The following NGEF variants were observed in gnomAD, a reference collection of about 807,000 sequenced individuals.
NGEF encodes ephexin-1.
In NGEF, 31 loss-of-function variants were observed where a neutral mutation model predicts 80.9. The ratio of observed to expected loss-of-function variants is 0.38; its 90% confidence interval spans 0.29 to 0.52. The LOEUF is 0.52. Among genes scored for constraint, NGEF ranks in the 20% least tolerant of loss-of-function variants. NGEF has a pLI of 0.84. For synonymous variants in NGEF, 371 were observed against 370.2 expected, an observed-to-expected ratio of 1.00 and a Z score of -0.03; for missense variants, 709 against 926.2, an observed-to-expected ratio of 0.77 and a Z score of 3.04.
rs570122046 is a variant in NGEF, at chr2:232,893,983, G to C, written c.989+773C>G. Among the ~76,000 whole-genome samples, 6 of 152,208 alleles carry C rather than the reference G, an allele frequency of 3.9e-5. No individual in the cohort carries two copies. The South Asian group carries it at 1.2e-3, about 32-fold the overall frequency. The stretch of plus-strand genomic sequence containing the variant: ...GAGCAGCTCCCAGGGTGCCACATGT[G>C]ATGCTGAGCGGATCCCCACTGCTCA... On this transcript the variant is annotated intron_variant, in intron 6 of 14. Coordinates refer to ENST00000264051, the MANE Select transcript of NGEF (RefSeq NM_019850.3).
At chr2:232,961,134 C>T (rs539200254) in intron 3 of NGEF, among the ~76,000 whole-genome samples, 1 of 152,298 alleles carries the variant, frequency 6.6e-6, no homozygotes, top group African/African-American at 2.4e-5. Context: ...CCATGTCCCA[C>T]ATCAGCACCA....
At chr2:232,918,774 G>T (rs572377673) in intron 5 of NGEF, among the ~76,000 whole-genome samples, 38 of 151,774 alleles carry the variant, frequency 2.5e-4, no homozygotes, top group African/African-American at 8.9e-4. Context: ...GATTACAGGC[G>T]CCTGCCACAG....
At chr2:232,907,179 G>GAAAAAA (rs1455116424) in intron 5 of NGEF, among the ~76,000 whole-genome samples, 2 of 25,502 alleles carry the variant, frequency 7.8e-5, no homozygotes, top group Admixed American at 4.8e-4. Context: ...AAAAAGAAAA[G>GAAAAAA]AAAAAAAAGA....
intron 9 of NGEF, 116 bp from the exon 10 acceptor site, chr2:232,885,485 C>T: frequency 1.2e-6 from 1 of 809,530 alleles, no homozygotes; most frequent in South Asian, 1.5e-5. Context: ...ACACTGTGCC[C>T]ACAGCTGAGG....
At chr2:232,959,230 A>C (rs1693895176) in intron 3 of NGEF, among the ~76,000 whole-genome samples, 1 of 151,954 alleles carries the variant, frequency 6.6e-6, no homozygotes, top group African/African-American at 2.4e-5. Context: ...TTTGGATTTT[A>C]TGACTGTGCC....
At chr2:232,880,901 G>A (rs1213078700) in intron 14 of NGEF, among the ~76,000 whole-genome samples, 4 of 152,216 alleles carry the variant, frequency 2.6e-5, no homozygotes, top group Non-Finnish European at 5.9e-5. Flanking sequence ...CTGCGAAGGA[G>A]GAAAGGTGGG....
chr2:232,898,409 C>T (rs939629291), intron 5 of NGEF, among the ~76,000 whole-genome samples: 4 of 152,200 alleles, frequency 2.6e-5, no homozygotes, highest in Non-Finnish European at 5.9e-5. Context: ...CAGCTGTGGG[C>T]CTTGGCCTGA....
chr2:232,939,175 CAAA>C (rs60357492), intron 3 of NGEF, among the ~76,000 whole-genome samples: 38 of 66,088 alleles, frequency 5.7e-4, no homozygotes, highest in African/African-American at 1.8e-3. Flanking sequence ...GACTCAGTCT[CAAA>C]AAAAAAAAAA....
intron 5 of NGEF, among the ~76,000 whole-genome samples, chr2:232,896,259 A>AT (rs937153775): frequency 2.0e-5 from 3 of 152,186 alleles, no homozygotes; most frequent in African/African-American, 7.2e-5. Flanking sequence ...CAAACCAATA[A>AT]TGGGTGTCTT....
intron 3 of NGEF, among the ~76,000 whole-genome samples, chr2:232,947,171 G>A (rs1693576818): frequency 6.6e-6 from 1 of 152,160 alleles, no homozygotes; most frequent in Admixed American, 6.5e-5. Context: ...GGAGCAATCT[G>A]GCAACTTCCA....
rs1480362239 is a variant in NGEF, at chr2:232,974,688, G to A, written c.203C>T (p.Ser68Phe). The stretch of plus-strand genomic sequence containing the variant: ...CTTGGCTTTGCTTTTGCGTCTTATG[G>A]AGCGATTGAAGATGGAATTTCTCTT... ...PIKRNSIFNR[S>F]IRRKSKAKAR... Residue 68 changes from serine (S) to phenylalanine (F), a missense_variant, in exon 2 of 15, where the codon TCC (serine) becomes TTC (phenylalanine). Transcript: ENST00000264051. 1.9e-6 allele frequency: 3 copies of A among 1,614,232 alleles called. No homozygotes were observed. In the East Asian group the frequency reaches 6.7e-5, roughly 36 times the overall value.
chr2:232,938,705 G>A (rs1159547272), intron 3 of NGEF, among the ~76,000 whole-genome samples: 2 of 129,274 alleles, frequency 1.5e-5, no homozygotes, highest in African/African-American at 6.0e-5. Flanking sequence ...AGGAGTTCGA[G>A]AGCAACCTGG....
intron 5 of NGEF, among the ~76,000 whole-genome samples, chr2:232,917,953 C>T (rs1056838620): frequency 2.0e-5 from 3 of 151,484 alleles, no homozygotes; most frequent in African/African-American, 7.3e-5. Context: ...AATTATTTTA[C>T]TTATTTATTT....
At chr2:233,007,048 A>G (rs1204396056) in intron 1 of NGEF, among the ~76,000 whole-genome samples, 1 of 152,190 alleles carries the variant, frequency 6.6e-6, no homozygotes, top group African/African-American at 2.4e-5. Context: ...GTTCGAGACC[A>G]GCCTGGTCAA....
chr2:232,905,513 C>T (rs963816715), intron 5 of NGEF: 4 of 286,280 alleles, frequency 1.4e-5, no homozygotes, highest in Admixed American at 4.8e-5. Flanking sequence ...CAGCCTCTGC[C>T]GGTCCGCCAC....
Position 232,894,735 on chromosome 2 carries a change from G to A in NGEF, c.989+21C>T, listed in dbSNP as rs1313403342. 7 of 1,540,626 alleles carry A rather than the reference G, an allele frequency of 4.5e-6. No homozygotes were observed. The African/African-American group carries it at 9.5e-5, about 21-fold the overall frequency. ...GATGAAGAAGGGCCCTGAGGGAGGT[G>A]GCTGTCCCCCCCGTCCTCACCGCTC... is the stretch of plus-strand genomic sequence containing the variant. On this transcript the variant is annotated intron_variant, in intron 6 of 14. Transcript: ENST00000264051.
Position 232,892,563 on chromosome 2 carries a change from A to G in NGEF, c.1142+335T>C, listed in dbSNP as rs1348844965. ...CCCGTCTCTGATGTCCTGGGCTTTG[A>G]ATTGTCCACATGACCTCACTTGACC... On this transcript the variant is annotated intron_variant, in intron 7 of 14. Coordinates refer to ENST00000264051, the MANE Select transcript of NGEF (RefSeq NM_019850.3). The surrounding 1 kb of genome is among the most constrained non-coding windows in gnomAD (Gnocchi z 4.0). 6.6e-6 allele frequency among the ~76,000 whole-genome samples: 1 copy of G among 152,070 alleles called. No homozygotes were observed. Among genetic ancestry groups the G allele is most frequent in the East Asian group, 1.9e-4 (1 of 5,188 alleles).
At chr2:233,010,141 C>T (rs2106348970) in intron 1 of NGEF, among the ~76,000 whole-genome samples, 1 of 152,256 alleles carries the variant, frequency 6.6e-6, no homozygotes, top group African/African-American at 2.4e-5. Context: ...AATCCATGCG[C>T]CTCAGCCTCC....
At chr2:232,999,737 G>T (rs1178275644) in intron 1 of NGEF, among the ~76,000 whole-genome samples, 1 of 152,242 alleles carries the variant, frequency 6.6e-6, no homozygotes, top group Non-Finnish European at 1.5e-5. Flanking sequence ...CAGGCCCAGC[G>T]CAAGGCAGAC....
Sources: gnomAD v4.1 joint callset for allele counts (sites outside exome capture counted in the v4.1 genomes callset) on GRCh38, gnomAD v4.1.1 for gene constraint, Gnocchi (gnomAD v3.1) non-coding constraint, MANE v1.5 for transcripts, NCBI Gene and HGNC (gene_info 2026-07-23, HGNC 2026-07-21) for gene names.